SCARA3: variants seen among roughly 807,000 people sequenced by gnomAD.
SCARA3 encodes scavenger receptor class A member 3.
In SCARA3, 39 loss-of-function variants were observed where a neutral mutation model predicts 47.0. That is an observed-to-expected ratio of 0.83 (90% CI 0.64 to 1.08). The LOEUF (loss-of-function observed/expected upper bound fraction) is 1.08. SCARA3 is among the 50% of genes least tolerant of loss of function. SCARA3 has a pLI of 0.00. For synonymous variants in SCARA3, 356 were observed against 334.1 expected (o/e 1.07, Z -0.71); for missense variants, 724 against 792.3 (o/e 0.91, Z 1.04).
intron 5 of SCARA3, among the ~76,000 whole-genome samples, chr8:27,668,887 G>A (rs1398919580): frequency 6.6e-6 from 1 of 152,164 alleles, no homozygotes; most frequent in African/African-American, 2.4e-5. Context: ...AGAGACCAGG[G>A]AGGAGAGGTT....
At chr8:27,654,809 GA>G (rs1334016129) in intron 3 of SCARA3, among the ~76,000 whole-genome samples, 2 of 147,642 alleles carry the variant, frequency 1.4e-5, no homozygotes, top group Non-Finnish European at 3.0e-5. Flanking sequence ...AAAAGAAAAA[GA>G]AAAAAAGAAA....
At chr8:27,704,694 G>A in the SCARA3 span, among the ~76,000 whole-genome samples, 28,151 of 149,876 alleles carry the variant, frequency 0.19, 3,007 homozygotes, top group Middle Eastern at 0.35. Context: ...GTTACTAACA[G>A]CATTCACAGA....
intron 1 of SCARA3, among the ~76,000 whole-genome samples, chr8:27,640,053 T>G (rs567494778): frequency 1.1e-4 from 16 of 148,260 alleles, no homozygotes; most frequent in African/African-American, 3.8e-4. Context: ...AGAAGAGGCA[T>G]GGGGGGACTT....
chr8:27,703,844 C>CTTTTTTTTTTTTTTTTTTTTTTT, the SCARA3 span: 2 of 54,524 alleles, frequency 3.7e-5, no homozygotes, highest in African/African-American at 1.3e-4. Flanking sequence ...GTGCTTTCTA[C>CTTTTTTTTTTTTTTTTTTTTTTT]TTTTTTTTTT....
At chr8:27,712,946 G>A in the SCARA3 span, among the ~76,000 whole-genome samples, 1 of 152,202 alleles carries the variant, frequency 6.6e-6, no homozygotes, top group African/African-American at 2.4e-5. Flanking sequence ...TTGAGCATAA[G>A]TTGTTAATAC....
In SCARA3 at chr8:27,658,786, C is replaced by T; in HGVS notation, c.616C>T (p.Leu206=). Residue 206 remains leucine (L), a synonymous_variant, in exon 5 of 6, where the codon CTG becomes TTG. Coordinates refer to ENST00000301904, the MANE Select transcript of SCARA3 (RefSeq NM_016240.3). ...CACCACAGCTGGCCTGGACCTCTCT[C>T]TGAAGGACCTCACCCAGGAGTGCTA... The part of the protein sequence containing the change: ...QATTAGLDLS[L]KDLTQECYDV... 1 of 1,614,114 alleles carries T rather than the reference C, an allele frequency of 6.2e-7. No homozygotes were observed. The highest frequency in any genetic ancestry group is 8.5e-7 in the Non-Finnish European group (1 of 1,180,004).
intron 1 of SCARA3, among the ~76,000 whole-genome samples, chr8:27,644,368 A>ATGG (rs1801447666): frequency 6.6e-6 from 1 of 152,194 alleles, no homozygotes; most frequent in Non-Finnish European, 1.5e-5. Context: ...GACAGGGACC[A>ATGG]TGGCCCTCCC....
chr8:27,732,801 AAT>A, the SCARA3 span, among the ~76,000 whole-genome samples: 1 of 152,242 alleles, frequency 6.6e-6, no homozygotes, highest in Admixed American at 6.5e-5. Context: ...TAAGAATTCA[AAT>A]ATGCTTTTAC....
chr8:27,695,285 G>A, the SCARA3 span, among the ~76,000 whole-genome samples: 5 of 152,214 alleles, frequency 3.3e-5, no homozygotes, highest in South Asian at 1.0e-3. Flanking sequence ...GAGATTGAGT[G>A]CTATGAAGTT....
At chr8:27,697,071 A>G in the SCARA3 span, 1 of 152,412 alleles carries the variant, frequency 6.6e-6, no homozygotes, top group African/African-American at 2.4e-5. Flanking sequence ...GATTTAAAAA[A>G]AGAAAAAAGA....
intron 5 of SCARA3, among the ~76,000 whole-genome samples, chr8:27,662,910 C>T (rs1050430045): frequency 1.3e-5 from 2 of 152,238 alleles, no homozygotes; most frequent in Admixed American, 1.3e-4. Flanking sequence ...GTCATGCTAT[C>T]CACCTGATTA....
At chr8:27,637,285 C>A (rs972776165) in intron 1 of SCARA3, among the ~76,000 whole-genome samples, 9 of 152,242 alleles carry the variant, frequency 5.9e-5, no homozygotes, top group African/African-American at 2.2e-4. Flanking sequence ...TCACACGCAG[C>A]CCTAAGGGGA....
intron 1 of SCARA3, among the ~76,000 whole-genome samples, chr8:27,647,271 C>T (rs913874961): frequency 6.6e-6 from 1 of 152,194 alleles, no homozygotes; most frequent in African/African-American, 2.4e-5. Flanking sequence ...GTTTAGTTTC[C>T]TCACCTATCA....
the SCARA3 span, among the ~76,000 whole-genome samples, chr8:27,700,344 G>A: frequency 1.3e-5 from 2 of 152,008 alleles, no homozygotes; most frequent in African/African-American, 4.8e-5. Flanking sequence ...AATTAAAAAT[G>A]GATGAAAGTC....
the SCARA3 span, among the ~76,000 whole-genome samples, chr8:27,699,254 T>TA: frequency 3.7e-3 from 516 of 139,252 alleles, 4 homozygotes; most frequent in African/African-American, 0.011. Flanking sequence ...AAATAAAAAT[T>TA]AAAAAAAAAA....
intron 5 of SCARA3, among the ~76,000 whole-genome samples, chr8:27,661,431 G>A (rs563043441): frequency 6.4e-4 from 97 of 152,196 alleles, no homozygotes; most frequent in Non-Finnish European, 1.2e-3. Flanking sequence ...TAAATACTAT[G>A]ATGTAAAGTT....
intron 4 of SCARA3, among the ~76,000 whole-genome samples, chr8:27,657,831 C>T (rs1801775966): frequency 6.6e-6 from 1 of 152,128 alleles, no homozygotes; most frequent in African/African-American, 2.4e-5. Context: ...TGAGCCACTG[C>T]ACCCAGCATC....
chr8:27,654,773 G>A (rs1195329367), intron 3 of SCARA3, among the ~76,000 whole-genome samples: 1 of 139,348 alleles, frequency 7.2e-6, no homozygotes, highest in Non-Finnish European at 1.5e-5. Flanking sequence ...CTGGGTGACA[G>A]AGCAAGACTG....
chr8:27,687,633 T>C, the SCARA3 span, among the ~76,000 whole-genome samples: 1 of 151,976 alleles, frequency 6.6e-6, no homozygotes, highest in Non-Finnish European at 1.5e-5. Context: ...TCTTATAAAT[T>C]TCAATAAAGA....
Sources: gnomAD v4.1 joint callset for allele counts (sites outside exome capture counted in the v4.1 genomes callset) on GRCh38, gnomAD v4.1.1 for gene constraint, MANE v1.5 for transcripts, NCBI Gene and HGNC (gene_info 2026-07-23, HGNC 2026-07-21) for gene names.